The following SAMD3 variants were observed in gnomAD, a reference collection of about 807,000 sequenced individuals.
The protein encoded by SAMD3 is sterile alpha motif domain-containing protein 3.
In SAMD3, 63 loss-of-function variants were observed where a neutral mutation model predicts 58.5. That is an observed-to-expected ratio of 1.08 (90% CI 0.88 to 1.33). The LOEUF is 1.33. SAMD3 is among the 40% of genes most tolerant of loss of function. The pLI, the probability that SAMD3 is intolerant of heterozygous loss-of-function variation, is 0.00. For missense variants in SAMD3, 604 were observed against 608.4 expected (o/e 0.99, Z 0.08); for synonymous variants, 220 against 210.3 (o/e 1.05, Z -0.40).
chr6:130,167,762 C>T (rs567380336), intron 8 of SAMD3, among the ~76,000 whole-genome samples: 59 of 152,168 alleles, frequency 3.9e-4, no homozygotes, highest in African/African-American at 5.1e-4. Flanking sequence ...ATTGACTGCA[C>T]GACCATACAT....
chr6:130,267,272 C>A (rs1057407625), intron 2 of SAMD3, among the ~76,000 whole-genome samples: 4 of 152,130 alleles, frequency 2.6e-5, no homozygotes, highest in African/African-American at 9.7e-5. Flanking sequence ...GGATTTAAAA[C>A]CCTTATAATA....
intron 5 of SAMD3, among the ~76,000 whole-genome samples, chr6:130,197,503 C>G (rs1234085526): frequency 6.6e-6 from 1 of 152,138 alleles, no homozygotes; most frequent in African/African-American, 2.4e-5. Flanking sequence ...AATTCTTAGA[C>G]CTTTTATACC....
chr6:130,142,818 T>C (rs1788344774), downstream of SAMD3: 1 of 152,094 alleles, frequency 6.6e-6, no homozygotes, highest in African/African-American at 2.4e-5. Flanking sequence ...GTATACCTTA[T>C]AAGGAAAAGA....
intron 2 of SAMD3, among the ~76,000 whole-genome samples, chr6:130,233,530 C>A (rs1796602611): frequency 6.6e-6 from 1 of 152,106 alleles, no homozygotes; most frequent in Non-Finnish European, 1.5e-5. Context: ...ATCAAGGATC[C>A]CGAGCTGAAC....
intron 2 of SAMD3, among the ~76,000 whole-genome samples, chr6:130,263,085 A>C (rs1428708952): frequency 1.3e-5 from 2 of 152,344 alleles, no homozygotes; most frequent in East Asian, 3.9e-4. Context: ...TATAAATGTA[A>C]AATTTAACTT....
chr6:130,236,159 A>G (rs576846806), intron 2 of SAMD3, among the ~76,000 whole-genome samples: 71 of 152,306 alleles, frequency 4.7e-4, no homozygotes, highest in African/African-American at 1.6e-3. Context: ...TTATTTAGGA[A>G]TTTTATTTAA....
At chr6:130,219,347 T>G (rs1262772098) in intron 1 of SAMD3, among the ~76,000 whole-genome samples, 1 of 152,112 alleles carries the variant, frequency 6.6e-6, no homozygotes, top group Non-Finnish European at 1.5e-5. Context: ...TTAATTTTTA[T>G]TTTCATAGGT....
rs367737645 is a variant in SAMD3 at position 130,289,785 on chromosome 6, C to T, written c.-188+23193G>A. 4.6e-5 allele frequency among the ~76,000 whole-genome samples: 7 copies of T among 152,332 alleles called. 1 individual carries two copies. On this transcript the variant is annotated intron_variant, in intron 2 of 13. Transcript: ENST00000368134. ...AAAGTGCTGGGATTATAGGTGTGAA[C>T]CACCGTGCCCAGCCCAAGAAAAGAT... is the stretch of plus-strand genomic sequence containing the variant.
chr6:130,356,679 C>T (rs1458192604), intron 1 of SAMD3, among the ~76,000 whole-genome samples: 3 of 152,214 alleles, frequency 2.0e-5, no homozygotes, highest in Non-Finnish European at 2.9e-5. Context: ...TTCCTGTAGA[C>T]GGTACCAGAG....
At chr6:130,258,773 T>G (rs938297824) in intron 2 of SAMD3, among the ~76,000 whole-genome samples, 9 of 152,182 alleles carry the variant, frequency 5.9e-5, no homozygotes, top group African/African-American at 2.2e-4. Flanking sequence ...TTTGGGAAGA[T>G]TTTTTTAAAT....
intron 8 of SAMD3, among the ~76,000 whole-genome samples, chr6:130,168,228 G>T (rs1790901567): frequency 6.6e-6 from 1 of 152,254 alleles, no homozygotes; most frequent in Non-Finnish European, 1.5e-5. Flanking sequence ...GAGGTCAGGA[G>T]TTCGAGACCA....
At chr6:130,186,206 T>C (rs1466700539) in intron 5 of SAMD3, among the ~76,000 whole-genome samples, 1 of 152,096 alleles carries the variant, frequency 6.6e-6, no homozygotes, top group Admixed American at 6.5e-5. Flanking sequence ...ATTTCCTAAA[T>C]TGGCCTAAGT....
chr6:130,270,673 T>C (rs6941660), intron 2 of SAMD3, among the ~76,000 whole-genome samples: 74,793 of 152,104 alleles, frequency 0.49, 22,349 homozygotes, highest in African/African-American at 0.84. Context: ...TCATGTGGCC[T>C]GCATATGGTC....
chr6:130,186,808 T>C lies in SAMD3; in HGVS notation c.384-2185A>G, dbSNP rs1444134952. Among the ~76,000 whole-genome samples the C allele has an allele frequency of 5.4e-5, 8 of 148,392 alleles. No homozygotes were observed. In the South Asian group the frequency reaches 6.6e-4, roughly 12 times the overall value. On this transcript the variant is annotated intron_variant, in intron 5 of 11. Coordinates refer to ENST00000439090, the MANE Select transcript of SAMD3 (RefSeq NM_001017373.4). Reference sequence around the variant, plus strand: ...TTTTTTGAGACGGAGTCTTGCTCTGTCACCCAGGCTGGAGTGCAGTGGTGC... The same window carrying C: ...TTTTTTGAGACGGAGTCTTGCTCTGCCACCCAGGCTGGAGTGCAGTGGTGC...
intron 8 of SAMD3, among the ~76,000 whole-genome samples, chr6:130,162,703 G>C (rs1236270922): frequency 6.6e-6 from 1 of 152,110 alleles, no homozygotes; most frequent in East Asian, 1.9e-4. Flanking sequence ...GTAAATAAAG[G>C]TTTCATACCT....
intron 1 of SAMD3, chr6:130,221,820 C>A (rs1796237801): frequency 6.6e-6 from 1 of 151,664 alleles, no homozygotes; most frequent in African/African-American, 2.4e-5. Flanking sequence ...ACTCTATAAT[C>A]CATAAAACCA....
At chr6:130,193,889 T>C (rs1026844093) in intron 5 of SAMD3, among the ~76,000 whole-genome samples, 6 of 152,190 alleles carry the variant, frequency 3.9e-5, no homozygotes, top group East Asian at 1.9e-4. Flanking sequence ...CAATGCAACT[T>C]GTCCCAAATC....
At chr6:130,334,365 T>A (rs1253830074) in intron 1 of SAMD3, among the ~76,000 whole-genome samples, 1 of 151,956 alleles carries the variant, frequency 6.6e-6, no homozygotes, top group East Asian at 1.9e-4. Context: ...AAAAAAAGAC[T>A]GTGGTCCTCA....
At position 130,261,255 on chromosome 6, in the gene SAMD3, G is replaced by A. The variant is rs1302997876; in HGVS notation, c.-187-38442C>T. On this transcript the variant is annotated intron_variant, in intron 2 of 13. Coordinates refer to the SAMD3 transcript ENST00000368134. ...TTGGTTTGAATTGCTTGACAGGACC[G>A]GTCTTGGGAACTTGCCTACTCCATT... Among the ~76,000 whole-genome samples the A allele has an allele frequency of 1.2e-4, 13 of 109,644 alleles. 2 individuals carry two copies. Among genetic ancestry groups the A allele is most frequent in the African/African-American group, 6.4e-4 (13 of 20,374 alleles). 71.9% of individuals were successfully genotyped at this position (109,644 alleles called of 152,430 possible).
Sources: allele counts gnomAD v4.1 joint callset (sites outside exome capture counted in the v4.1 genomes callset), GRCh38; gene constraint gnomAD v4.1.1; transcripts MANE v1.5; gene names NCBI Gene and HGNC (gene_info 2026-07-23, HGNC 2026-07-21).